The following NTN1 variants were observed in gnomAD, a reference collection of about 807,000 sequenced individuals.
NTN1 encodes netrin-1.
In NTN1, 11 loss-of-function variants were observed where a neutral mutation model predicts 54.2. The ratio of observed to expected loss-of-function variants is 0.20; its 90% confidence interval spans 0.13 to 0.34. The LOEUF is 0.34. Among genes scored for constraint, NTN1 ranks in the 10% least tolerant of loss-of-function variants. The pLI is 1.00. For missense variants in NTN1, 740 were observed against 893.1 expected, an observed-to-expected ratio of 0.83 and a Z score of 2.18; for synonymous variants, 371 against 382.0, an observed-to-expected ratio of 0.97 and a Z score of 0.33.
chr17:9,115,481 C>A (rs1036662039), intron 2 of NTN1, among the ~76,000 whole-genome samples: 1 of 152,234 alleles, frequency 6.6e-6, no homozygotes, highest in Non-Finnish European at 1.5e-5. Flanking sequence ...GACCAGTGTC[C>A]TCATCCACGT....
chr17:9,191,998 A>G (rs1904476188), intron 5 of NTN1, among the ~76,000 whole-genome samples: 1 of 150,036 alleles, frequency 6.7e-6, no homozygotes, highest in Non-Finnish European at 1.5e-5. Context: ...AGTATTAGAG[A>G]TTAGAGTGAC....
chr17:9,214,964 A>G (rs1238081332), intron 5 of NTN1, among the ~76,000 whole-genome samples: 1 of 152,014 alleles, frequency 6.6e-6, no homozygotes, highest in African/African-American at 2.4e-5. Context: ...AATTTATCAT[A>G]ATTGCTTTTT....
At chr17:9,159,975 T>G (rs1273268616) in intron 2 of NTN1, among the ~76,000 whole-genome samples, 1 of 152,158 alleles carries the variant, frequency 6.6e-6, no homozygotes, top group African/African-American at 2.4e-5. Context: ...GTAGTTGACA[T>G]TTATAATAGT....
intron 5 of NTN1, among the ~76,000 whole-genome samples, chr17:9,207,912 G>C (rs1905008057): frequency 6.6e-6 from 1 of 152,208 alleles, no homozygotes; most frequent in Non-Finnish European, 1.5e-5. Flanking sequence ...TGCCCTCTTT[G>C]TTGTCAAAGA....
At chr17:9,018,753 G>A (rs1457729809), upstream of NTN1, among the ~76,000 whole-genome samples, 1 of 151,964 alleles carries the variant, frequency 6.6e-6, no homozygotes, top group Non-Finnish European at 1.5e-5. Flanking sequence ...ACCCCAATTT[G>A]CTTCTTTTCC....
In NTN1 at chr17:9,026,394, G is replaced by C. The variant is rs528950291; in HGVS notation, c.1018+3003G>C. On this transcript the variant is annotated intron_variant, in intron 2 of 6. Coordinates refer to ENST00000173229, the MANE Select transcript of NTN1 (RefSeq NM_004822.3). Reference sequence around the variant, plus strand: ...AAATGCAGTTTTGGATTTCTTCCGGGGGGGGGGAACAAACAACCCTCAAAA... The same window carrying C: ...AAATGCAGTTTTGGATTTCTTCCGGCGGGGGGGAACAAACAACCCTCAAAA... Among the ~76,000 whole-genome samples the C allele has an allele frequency of 2.5e-4, 38 of 151,000 alleles. No homozygotes were observed. The Middle Eastern group carries it at 0.01, about 41-fold the overall frequency.
At position 9,234,052 on chromosome 17, in the gene NTN1, T is replaced by C. The variant is rs535338279; in HGVS notation, c.1487-5588T>C. ...CTGCCCTTGTTGACTCTGGCCCCCA[T>C]GGACCTGGCCCTGAGCCCCTTTCTT... On this transcript the variant is annotated intron_variant, in intron 6 of 6. Transcript: ENST00000173229. Among the ~76,000 whole-genome samples the C allele has an allele frequency of 3.9e-5, 6 of 152,290 alleles. No homozygotes were observed. In the East Asian group the frequency reaches 1.2e-3, roughly 29 times the overall value.
intron 6 of NTN1, among the ~76,000 whole-genome samples, chr17:9,225,881 G>A (rs66779318): frequency 0.22 from 33,776 of 152,234 alleles, 4,030 homozygotes; most frequent in African/African-American, 0.26. Flanking sequence ...GCCCCTGCTG[G>A]GTGAAGAGCA....
At chr17:9,024,882 C>T (rs573731965) in intron 2 of NTN1, among the ~76,000 whole-genome samples, 2 of 152,218 alleles carry the variant, frequency 1.3e-5, no homozygotes, top group Non-Finnish European at 2.9e-5. Flanking sequence ...TACACTCCGA[C>T]TTAGTAGTCT....
intron 2 of NTN1, among the ~76,000 whole-genome samples, chr17:9,078,564 C>G (rs1011458223): frequency 6.6e-6 from 1 of 152,204 alleles, no homozygotes; most frequent in African/African-American, 2.4e-5. Context: ...AGCTTCTGTT[C>G]TTAGATCTTC....
chr17:9,156,304 A>C (rs926560346), intron 2 of NTN1, among the ~76,000 whole-genome samples: 1 of 151,942 alleles, frequency 6.6e-6, no homozygotes, highest in Non-Finnish European at 1.5e-5. Flanking sequence ...TCTTCTCAAA[A>C]GAACTGCTCT....
intron 2 of NTN1, among the ~76,000 whole-genome samples, chr17:9,034,477 C>T (rs1303658697): frequency 6.7e-6 from 1 of 148,330 alleles, no homozygotes; most frequent in African/African-American, 2.5e-5. Flanking sequence ...GGCTGGAGTG[C>T]AGTGGTACGA....
At chr17:9,079,262 G>A (rs2092062423) in intron 2 of NTN1, among the ~76,000 whole-genome samples, 2 of 152,200 alleles carry the variant, frequency 1.3e-5, no homozygotes, top group South Asian at 4.1e-4. Context: ...CGGGGTAGGA[G>A]ATACCCAGGG....
rs147045590 is a variant in NTN1 at position 9,233,839 on chromosome 17, T to A, written c.1487-5801T>A. Among the ~76,000 whole-genome samples the A allele has an allele frequency of 3.0e-4, 45 of 152,254 alleles. 1 individual carries two copies. Among genetic ancestry groups the A allele is most frequent in the Middle Eastern group, 3.4e-3 (1 of 294 alleles). On this transcript the variant is annotated intron_variant, in intron 6 of 6. Transcript: ENST00000173229. ...CAGCAGCTGAAAAGACACCCAGGGC[T>A]GGACAGGCCAGGCCTGACTGTGCCC...
At chr17:9,026,866 T>C (rs2091872934) in intron 2 of NTN1, among the ~76,000 whole-genome samples, 1 of 152,156 alleles carries the variant, frequency 6.6e-6, no homozygotes, top group Admixed American at 6.5e-5. Flanking sequence ...AAACTTGTTT[T>C]GCGACTCACT....
At chr17:9,056,407 C>T (rs951669476) in intron 2 of NTN1, among the ~76,000 whole-genome samples, 33 of 152,106 alleles carry the variant, frequency 2.2e-4, no homozygotes, top group African/African-American at 5.6e-4. Context: ...CTTGTGGGCA[C>T]GGTGAGGAGT....
At chr17:9,188,698 T>G (rs1387057211) in intron 5 of NTN1, among the ~76,000 whole-genome samples, 4 of 152,174 alleles carry the variant, frequency 2.6e-5, no homozygotes, top group Non-Finnish European at 5.9e-5. Context: ...GGTGTATGGC[T>G]TCGAGTTCTG....
At chr17:9,043,120 C>T (rs911784464) in intron 2 of NTN1, among the ~76,000 whole-genome samples, 1 of 151,962 alleles carries the variant, frequency 6.6e-6, no homozygotes, top group Non-Finnish European at 1.5e-5. Context: ...TTTCATTTTT[C>T]AAGCATAGGA....
chr17:9,008,034 C>T, the NTN1 span, among the ~76,000 whole-genome samples: 1 of 152,102 alleles, frequency 6.6e-6, no homozygotes, highest in Non-Finnish European at 1.5e-5. Context: ...TGAGCCAATG[C>T]ACTTGACTTA....
Sources: allele counts gnomAD v4.1 joint callset (sites outside exome capture counted in the v4.1 genomes callset), GRCh38; gene constraint gnomAD v4.1.1; transcripts MANE v1.5; gene names NCBI Gene and HGNC (gene_info 2026-07-23, HGNC 2026-07-21).